The following GTF2H5 variants were observed in gnomAD, a reference collection of about 807,000 sequenced individuals.
GTF2H5 encodes the protein TFB5 ortholog.
In GTF2H5, 5 loss-of-function variants were observed where a neutral mutation model predicts 7.1. That is an observed-to-expected ratio of 0.71 (90% CI 0.37 to 1.49). GTF2H5 has a LOEUF of 1.49. Ranked by LOEUF, GTF2H5 falls within the 40% of genes most tolerant of loss-of-function variation. The pLI is 0.03. For synonymous variants in GTF2H5, 30 were observed against 31.7 expected (o/e 0.95, Z 0.18); for missense variants, 80 against 83.0 (o/e 0.96, Z 0.14).
intron 2 of GTF2H5, among the ~76,000 whole-genome samples, chr6:158,182,915 C>G (rs542987624): frequency 1.3e-4 from 20 of 152,166 alleles, no homozygotes; most frequent in African/African-American, 4.8e-4. Context: ...GTTTTCTTCC[C>G]TTGCTGGTGA....
chr6:158,174,159 T>C (rs181597494), intron 2 of GTF2H5, among the ~76,000 whole-genome samples: 1 of 152,336 alleles, frequency 6.6e-6, no homozygotes, highest in East Asian at 1.9e-4. Flanking sequence ...TCTTGGAAAC[T>C]AGTCCTGCTG....
chr6:158,174,217 T>G (rs1363411748), intron 2 of GTF2H5, among the ~76,000 whole-genome samples: 1 of 152,180 alleles, frequency 6.6e-6, no homozygotes, highest in African/African-American at 2.4e-5. Flanking sequence ...TCTCTCCAAA[T>G]TCCAGTCCCA....
Position 158,192,314 on chromosome 6 carries a change from C to G in GTF2H5, c.*157C>G. The G allele has an allele frequency of 1.6e-6, 1 of 626,922 alleles. No homozygotes were observed. The allele number at this position is 626,922 out of a possible 1,614,324, so 38.8% of individuals were successfully genotyped here. A position where few individuals can be genotyped will look rare whatever the true frequency, so the allele number is the denominator to read the frequency against. ...TGATCATTTGTTCAGAAAAAAAGCC[C>G]CTGAACTGATTTTGTTACCATAGAA... On this transcript the variant is annotated 3_prime_UTR_variant, in exon 3 of 3. Coordinates refer to ENST00000607778, the MANE Select transcript of GTF2H5 (RefSeq NM_207118.3).
intron 2 of GTF2H5, among the ~76,000 whole-genome samples, chr6:158,173,752 A>T (rs1785889441): frequency 6.6e-6 from 1 of 152,084 alleles, no homozygotes; most frequent in African/African-American, 2.4e-5. Flanking sequence ...AAGTTTATTA[A>T]AAATGAGGGA....
chr6:158,185,985 T>C (rs550180638), intron 2 of GTF2H5, among the ~76,000 whole-genome samples: 24 of 152,172 alleles, frequency 1.6e-4, no homozygotes, highest in Non-Finnish European at 3.2e-4. Context: ...ACGGTGAGAC[T>C]CTGTCTCAAA....
At chr6:158,187,167 G>A (rs940925526) in intron 2 of GTF2H5, among the ~76,000 whole-genome samples, 1 of 151,896 alleles carries the variant, frequency 6.6e-6, no homozygotes, top group Non-Finnish European at 1.5e-5. Context: ...GCTAATTTTT[G>A]TATTTTTTTG....
At chr6:158,169,745 T>TATATTGTATATTA (rs374070331) in intron 1 of GTF2H5, among the ~76,000 whole-genome samples, 2,569 of 54,016 alleles carry the variant, frequency 0.048, 265 homozygotes, top group Non-Finnish European at 0.063. Context: ...ATATTATATA[T>TATATTGTATATTA]TATATAATAT....
chr6:158,177,329 G>T (rs1562472353), intron 2 of GTF2H5, among the ~76,000 whole-genome samples: 1 of 152,112 alleles, frequency 6.6e-6, no homozygotes, highest in Non-Finnish European at 1.5e-5. Flanking sequence ...CAGGCTCTTT[G>T]GCTCCCTATG....
chr6:158,169,362 AT>A (rs1241983173), intron 1 of GTF2H5, among the ~76,000 whole-genome samples: 12 of 108,216 alleles, frequency 1.1e-4, no homozygotes, highest in Non-Finnish European at 1.9e-4. Flanking sequence ...TATAATACAT[AT>A]ATATAATATG....
intron 1 of GTF2H5, among the ~76,000 whole-genome samples, chr6:158,170,174 G>A (rs898730347): frequency 1.3e-5 from 2 of 152,002 alleles, no homozygotes; most frequent in East Asian, 1.9e-4. Context: ...AATAATGGAC[G>A]GTTTATACCT....
In GTF2H5 at chr6:158,169,621, T is replaced by C. The variant is rs1785772193; in HGVS notation, c.-34-849T>C. On this transcript the variant is annotated intron_variant, in intron 1 of 2. Coordinates refer to ENST00000607778, the MANE Select transcript of GTF2H5 (RefSeq NM_207118.3). ...TATTACATATATTGTATATTACATA[T>C]AATATATTGTATATTACATATATTG... 3.4e-5 allele frequency among the ~76,000 whole-genome samples: 3 copies of C among 87,810 alleles called. No homozygotes were observed. In the South Asian group the frequency reaches 9.0e-4, roughly 26 times the overall value. The allele number at this position is 87,810 out of a possible 152,430, so 57.6% of individuals were successfully genotyped here. A position where few individuals can be genotyped will look rare whatever the true frequency, so the allele number is the denominator to read the frequency against.
rs371158166 is a variant in GTF2H5 at position 158,170,457 on chromosome 6, C to A, written c.-34-13C>A. 36 of 1,485,988 alleles carry A rather than the reference C, an allele frequency of 2.4e-5. No individual in the cohort carries two copies. The Middle Eastern group carries it at 6.8e-4, about 28-fold the overall frequency. The allele number at this position is 1,485,988 out of a possible 1,614,324, so 92.1% of individuals were successfully genotyped here. A position where few individuals can be genotyped will look rare whatever the true frequency, so the allele number is the denominator to read the frequency against. ...TGATTTTTAATTTAATGTTACCTTA[C>A]TCTTTTTATTAGCATTCTTCAGGTC... On this transcript the variant is annotated splice_polypyrimidine_tract_variant and intron_variant, in intron 1 of 2. Transcript: ENST00000607778.
chr6:158,175,169 T>C (rs113711922), intron 2 of GTF2H5, among the ~76,000 whole-genome samples: 259 of 152,288 alleles, frequency 1.7e-3, no homozygotes, highest in African/African-American at 5.9e-3. Context: ...AATTTATTAA[T>C]GTTCCTTTAG....
intron 1 of GTF2H5, among the ~76,000 whole-genome samples, chr6:158,168,840 G>T (rs1299410410): frequency 6.6e-6 from 1 of 152,200 alleles, no homozygotes; most frequent in Non-Finnish European, 1.5e-5. Context: ...GCTCACGCCT[G>T]CAATCCCAGC....
At chr6:158,169,778 T>TTGTATATTATATATAA (rs1562469540) in intron 1 of GTF2H5, among the ~76,000 whole-genome samples, 42 of 103,808 alleles carry the variant, frequency 4.0e-4, no homozygotes, top group African/African-American at 1.7e-3. Context: ...ATATAATATA[T>TTGTATATTATATATAA]TGTATATTAT....
intron 2 of GTF2H5, among the ~76,000 whole-genome samples, chr6:158,172,171 A>T (rs901240469): frequency 6.6e-6 from 1 of 151,548 alleles, no homozygotes; most frequent in Non-Finnish European, 1.5e-5. Flanking sequence ...TTCATCTAGA[A>T]TTTATTGGGA....
chr6:158,171,837 A>G (rs1232888604), intron 2 of GTF2H5, among the ~76,000 whole-genome samples: 3 of 152,216 alleles, frequency 2.0e-5, no homozygotes, highest in African/African-American at 7.2e-5. Context: ...AGAGTAAACC[A>G]CTGCGGGGGA....
intron 2 of GTF2H5, among the ~76,000 whole-genome samples, chr6:158,170,990 T>C (rs1020591489): frequency 2.6e-5 from 4 of 152,208 alleles, no homozygotes; most frequent in African/African-American, 9.6e-5. Context: ...AGCAATCCAG[T>C]GTCCAGGAAC....
At chr6:158,189,877 G>T (rs1280491491) in intron 2 of GTF2H5, among the ~76,000 whole-genome samples, 2 of 152,018 alleles carry the variant, frequency 1.3e-5, no homozygotes, top group Non-Finnish European at 2.9e-5. Context: ...CTGAATCCAG[G>T]GATCAATTTT....
Sources: allele counts gnomAD v4.1 joint callset (sites outside exome capture counted in the v4.1 genomes callset), GRCh38; gene constraint gnomAD v4.1.1; transcripts MANE v1.5; gene names NCBI Gene and HGNC (gene_info 2026-07-23, HGNC 2026-07-21).